Variants in CEP63 observed in about 807,000 individuals in gnomAD.
CEP63 encodes centrosomal protein 63, also known as centrosomal protein of 63 kDa.
A neutral mutation model predicts 89.1 loss-of-function variants in CEP63; 84 were observed. That is an observed-to-expected ratio of 0.94 (90% confidence interval 0.79 to 1.13). CEP63 has a LOEUF of 1.13. Ranked by LOEUF, CEP63 falls within the 50% of genes most tolerant of loss-of-function variation. CEP63 has a pLI of 0.00. For missense variants in CEP63, 838 were observed against 813.3 expected, an observed-to-expected ratio of 1.03 and a Z score of -0.37; for synonymous variants, 267 against 272.5, an observed-to-expected ratio of 0.98 and a Z score of 0.20.
downstream of CEP63, among the ~76,000 whole-genome samples, chr3:134,575,195 C>T (rs1958171954): frequency 2.0e-5 from 1 of 50,458 alleles, no homozygotes; most frequent in South Asian, 1.0e-3. Context: ...TCTCTCTTCC[C>T]TCTTTCCCTC....
intron 9 of CEP63, 131 bp from the exon 10 acceptor site, chr3:134,548,926 ATATTT>A: frequency 1.5e-6 from 1 of 647,070 alleles, no homozygotes; most frequent in Non-Finnish European, 2.8e-6. Context: ...CTTTTTAGTA[ATATTT>A]TAAATGACTG....
At chr3:134,702,914 C>T in the CEP63 span, among the ~76,000 whole-genome samples, 8 of 152,112 alleles carry the variant, frequency 5.3e-5, no homozygotes, top group Non-Finnish European at 1.0e-4. Flanking sequence ...TGTGGCAATT[C>T]CTCAAAGACC....
chr3:134,593,294 A>G, the CEP63 span, among the ~76,000 whole-genome samples: 1 of 152,226 alleles, frequency 6.6e-6, no homozygotes, highest in Non-Finnish European at 1.5e-5. Context: ...ATGGTAGCCA[A>G]TAATTACTGA....
chr3:134,622,376 A>G, the CEP63 span, among the ~76,000 whole-genome samples: 1 of 152,250 alleles, frequency 6.6e-6, no homozygotes. Context: ...AATATTATTC[A>G]ACTACAAAAA....
chr3:134,632,470 TCCA>T, the CEP63 span, among the ~76,000 whole-genome samples: 1 of 152,078 alleles, frequency 6.6e-6, no homozygotes, highest in African/African-American at 2.4e-5. Context: ...CTGGAAAATG[TCCA>T]AGTATTAAAA....
chr3:134,555,638 G>A (rs1955988260), intron 12 of CEP63, among the ~76,000 whole-genome samples: 1 of 152,100 alleles, frequency 6.6e-6, no homozygotes, highest in South Asian at 2.1e-4. Context: ...ACAAACAAAT[G>A]GAAGAACATC....
At chr3:134,640,409 T>C in the CEP63 span, among the ~76,000 whole-genome samples, 1 of 152,046 alleles carries the variant, frequency 6.6e-6, no homozygotes, top group Non-Finnish European at 1.5e-5. Context: ...ATCTGTAAAA[T>C]GAGGATGATA....
chr3:134,780,635 C>A, the CEP63 span: 2 of 152,160 alleles, frequency 1.3e-5, no homozygotes, highest in African/African-American at 2.4e-5. Flanking sequence ...CACTTGGGTG[C>A]TTTTGACACA....
intron 1 of CEP63, 39 bp downstream of exon 1, chr3:134,486,241 C>G: frequency 3.0e-6 from 3 of 985,484 alleles, no homozygotes; most frequent in Non-Finnish European, 3.6e-6. Flanking sequence ...TTGCGGCAAC[C>G]CTGTAACCGC....
chr3:134,780,209 T>C, the CEP63 span, among the ~76,000 whole-genome samples: 2 of 152,264 alleles, frequency 1.3e-5, no homozygotes, highest in Non-Finnish European at 1.5e-5. Context: ...TACTTGTATC[T>C]GAAATGTCTG....
At chr3:134,679,938 G>T in the CEP63 span, among the ~76,000 whole-genome samples, 7 of 152,306 alleles carry the variant, frequency 4.6e-5, no homozygotes, top group African/African-American at 1.7e-4. Flanking sequence ...GCCCAGGCTG[G>T]TCTTGGAACT....
chr3:134,763,537 TTCCC>T, the CEP63 span, among the ~76,000 whole-genome samples: 1 of 152,166 alleles, frequency 6.6e-6, no homozygotes, highest in African/African-American at 2.4e-5. Context: ...TCTTGTTTAA[TTCCC>T]CAGGCAACCC....
chr3:134,488,278 A>G (rs923518674), intron 1 of CEP63, among the ~76,000 whole-genome samples: 1 of 152,094 alleles, frequency 6.6e-6, no homozygotes, highest in East Asian at 1.9e-4. Context: ...TCATCCTGAA[A>G]CCATGCCCCT....
chr3:134,741,269 C>T, the CEP63 span, among the ~76,000 whole-genome samples: 1 of 152,312 alleles, frequency 6.6e-6, no homozygotes, highest in Admixed American at 6.5e-5. Context: ...CTTGTTTTAT[C>T]TCCTGTGAAA....
chr3:134,727,293 A>G, the CEP63 span, among the ~76,000 whole-genome samples: 1 of 152,220 alleles, frequency 6.6e-6, no homozygotes, highest in Non-Finnish European at 1.5e-5. Context: ...AATGAAGATG[A>G]ATTAAGATTT....
the CEP63 span, among the ~76,000 whole-genome samples, chr3:134,658,529 A>G: frequency 1.3e-5 from 2 of 152,172 alleles, no homozygotes; most frequent in Admixed American, 6.5e-5. Flanking sequence ...CTTTGTGCCT[A>G]TGTTTGTTGA....
chr3:134,711,501 C>A, the CEP63 span, among the ~76,000 whole-genome samples: 1 of 152,118 alleles, frequency 6.6e-6, no homozygotes, highest in African/African-American at 2.4e-5. Context: ...TTGATTTATT[C>A]CACTTTCTTA....
intron 11 of CEP63, among the ~76,000 whole-genome samples, chr3:134,572,198 C>A (rs1958036505): frequency 6.6e-6 from 1 of 152,132 alleles, no homozygotes; most frequent in African/African-American, 2.4e-5. Flanking sequence ...TTACAGGAGG[C>A]AGTATTTGTG....
At chr3:134,660,694 G>A in the CEP63 span, among the ~76,000 whole-genome samples, 1 of 152,202 alleles carries the variant, frequency 6.6e-6, no homozygotes, top group Non-Finnish European at 1.5e-5. Flanking sequence ...GGGCAACATA[G>A]CATCAACTCC....
Sources: gnomAD v4.1 joint callset for allele counts (sites outside exome capture counted in the v4.1 genomes callset) on GRCh38, gnomAD v4.1.1 for gene constraint, MANE v1.5 for transcripts, NCBI Gene and HGNC (gene_info 2026-07-23, HGNC 2026-07-21) for gene names.